Variants in MACC1 observed in about 807,000 individuals in gnomAD.
MACC1 encodes the protein metastasis-associated in colon cancer protein 1.
Under a neutral mutation model 70.7 loss-of-function variants are expected in MACC1, and 79 were observed. That is an observed-to-expected ratio of 1.12 (90% CI 0.93 to 1.35). The LOEUF is 1.35. MACC1 is among the 40% of genes most tolerant of loss of function. The pLI is 0.00. For synonymous variants in MACC1, 361 were observed against 347.2 expected, an observed-to-expected ratio of 1.04 and a Z score of -0.44; for missense variants, 1,106 against 978.1, an observed-to-expected ratio of 1.13 and a Z score of -1.74.
chr7:20,136,836 TATTA>T lies in MACC1; in HGVS notation c.*4106_*4109del, dbSNP rs946096466. On this transcript the variant is annotated 3_prime_UTR_variant, in exon 7 of 7. Coordinates refer to ENST00000400331, the MANE Select transcript of MACC1 (RefSeq NM_182762.4). ...ATTAATTCTTAAAGATTAAGATTAT[TATTA>T]ATTATTAATTGTAATTATTAATTCT... 3.1e-4 allele frequency: 47 copies of T among 149,476 alleles called. 1 individual carries two copies. The highest frequency in any genetic ancestry group is 1.0e-3 in the African/African-American group (41 of 41,118). 9.3% of individuals were successfully genotyped at this position (149,476 alleles called of 1,614,324 possible). A position where few individuals can be genotyped will look rare whatever the true frequency, so the allele number is the denominator to read the frequency against.
Position 20,135,262 on chromosome 7 carries a change from A to G in MACC1, c.*5684T>C, listed in dbSNP as rs1562575400. 6.6e-6 allele frequency: 1 copy of G among 152,240 alleles called. No individual in the cohort carries two copies. The highest frequency in any genetic ancestry group is 6.5e-5 in the Admixed American group (1 of 15,284). The allele number at this position is 152,240 out of a possible 1,614,324, so 9.4% of individuals were successfully genotyped here. A position where few individuals can be genotyped will look rare whatever the true frequency, so the allele number is the denominator to read the frequency against. ...TTATTCAAATATGTTTATGCTTTAA[A>G]TGAAACACAGAGATTTTAATTAGTT... On this transcript the variant is annotated 3_prime_UTR_variant, in exon 7 of 7. Transcript: ENST00000400331.
At position 20,136,485 on chromosome 7, in the gene MACC1, C is replaced by T. The variant is rs1299094333; in HGVS notation, c.*4461G>A. The T allele has an allele frequency of 6.6e-6, 1 of 152,140 alleles. No homozygotes were observed. The highest frequency in any genetic ancestry group is 2.4e-5 in the African/African-American group (1 of 41,420). 9.4% of individuals were successfully genotyped at this position (152,140 alleles called of 1,614,324 possible). On this transcript the variant is annotated 3_prime_UTR_variant, in exon 7 of 7. Coordinates refer to ENST00000400331, the MANE Select transcript of MACC1 (RefSeq NM_182762.4). ...ATGTAAAATATACATGCAAAAGATACACATTTCTACAATGTTCAGTGAAAT... is the reference window on the plus strand; with the variant it reads ...ATGTAAAATATACATGCAAAAGATATACATTTCTACAATGTTCAGTGAAAT...
intron 1 of MACC1, among the ~76,000 whole-genome samples, chr7:20,182,482 T>C (rs1440474961): frequency 6.6e-6 from 1 of 152,190 alleles, no homozygotes; most frequent in Admixed American, 6.5e-5. Flanking sequence ...CTGTTCTTAG[T>C]GTAAGAACAT....
At chr7:20,152,725 C>A (rs563485114) in intron 6 of MACC1, among the ~76,000 whole-genome samples, 2 of 152,218 alleles carry the variant, frequency 1.3e-5, no homozygotes, top group South Asian at 4.2e-4. Context: ...GGTTTGCTGG[C>A]CTCCATCAAG....
intron 1 of MACC1, among the ~76,000 whole-genome samples, chr7:20,212,971 TAAAG>T (rs1783020649): frequency 6.6e-6 from 1 of 152,132 alleles, no homozygotes; most frequent in African/African-American, 2.4e-5. Context: ...GGGACTGGCT[TAAAG>T]AAGCTGTATG....
rs139335801 is a variant in MACC1, at chr7:20,190,077, G to C, written c.-217-19299C>G. On this transcript the variant is annotated intron_variant, in intron 1 of 6. Coordinates refer to ENST00000400331, the MANE Select transcript of MACC1 (RefSeq NM_182762.4). Reference sequence around the variant, plus strand: ...TTCATGACCTCATCACTTCTCAAAGGCTTCACCTCCTAATTCTGTCACAAT... The same window carrying C: ...TTCATGACCTCATCACTTCTCAAAGCCTTCACCTCCTAATTCTGTCACAAT... Among the ~76,000 whole-genome samples, 993 of 152,150 alleles carry C rather than the reference G, an allele frequency of 6.5e-3. 16 individuals carry two copies. The highest frequency in any genetic ancestry group is 0.023 in the African/African-American group (935 of 41,466).
At chr7:20,180,078 G>C (rs1167025532) in intron 1 of MACC1, among the ~76,000 whole-genome samples, 1 of 152,146 alleles carries the variant, frequency 6.6e-6, no homozygotes, top group African/African-American at 2.4e-5. Flanking sequence ...TAATTAAAAA[G>C]TAAAATTCTT....
chr7:20,139,891 GA>G lies in MACC1; in HGVS notation c.*1054del, dbSNP rs1184987379. On this transcript the variant is annotated 3_prime_UTR_variant, in exon 7 of 7. Coordinates refer to ENST00000400331, the MANE Select transcript of MACC1 (RefSeq NM_182762.4). Reference sequence around the variant, plus strand: ...GTTTGCATGAGCATGCCAACATAAAGATATCAGTGTTTTCGGTGGTTAAGAC... The same window carrying G: ...GTTTGCATGAGCATGCCAACATAAAGTATCAGTGTTTTCGGTGGTTAAGAC... The G allele has an allele frequency of 2.0e-5, 3 of 151,460 alleles. No homozygotes were observed. Among genetic ancestry groups the G allele is most frequent in the Non-Finnish European group, 2.9e-5 (2 of 67,920 alleles). 9.4% of individuals were successfully genotyped at this position (151,460 alleles called of 1,614,324 possible).
At chr7:20,161,280 C>T (rs1782135189) in intron 4 of MACC1, among the ~76,000 whole-genome samples, 1 of 152,034 alleles carries the variant, frequency 6.6e-6, no homozygotes, top group South Asian at 2.1e-4. Flanking sequence ...TACATAGAAA[C>T]ATTACCTTAA....
At chr7:20,211,226 C>G (rs1782991862) in intron 1 of MACC1, among the ~76,000 whole-genome samples, 1 of 151,986 alleles carries the variant, frequency 6.6e-6, no homozygotes, top group Non-Finnish European at 1.5e-5. Flanking sequence ...TTCTTCATCT[C>G]TAAAAGAGGT....
At chr7:20,188,763 T>G (rs1246948204) in intron 1 of MACC1, among the ~76,000 whole-genome samples, 1 of 152,196 alleles carries the variant, frequency 6.6e-6, no homozygotes, top group Non-Finnish European at 1.5e-5. Context: ...AAACTCTCAT[T>G]GCTCAACATG....
chr7:20,217,059 A>T (rs1297375651), intron 1 of MACC1, among the ~76,000 whole-genome samples: 4 of 151,998 alleles, frequency 2.6e-5, no homozygotes, highest in South Asian at 2.1e-4. Context: ...CCTTTTTTTT[A>T]AAATAAACTA....
intron 1 of MACC1, among the ~76,000 whole-genome samples, chr7:20,188,791 C>T (rs1052212152): frequency 2.0e-5 from 3 of 152,164 alleles, no homozygotes; most frequent in East Asian, 3.8e-4. Context: ...TGTCATCATG[C>T]GAGGCAGCTT....
intron 2 of MACC1, among the ~76,000 whole-genome samples, chr7:20,165,635 T>A (rs1297007691): frequency 6.6e-6 from 1 of 152,118 alleles, no homozygotes. Flanking sequence ...ATTTAGCATT[T>A]CCCTATGTTT....
intron 2 of MACC1, among the ~76,000 whole-genome samples, chr7:20,168,581 T>A (rs1369039864): frequency 6.6e-6 from 1 of 152,202 alleles, no homozygotes; most frequent in Non-Finnish European, 1.5e-5. Flanking sequence ...GGTCCCACCT[T>A]TTACAGTATG....
chr7:20,201,198 A>G (rs140743203), intron 1 of MACC1, among the ~76,000 whole-genome samples: 3 of 152,264 alleles, frequency 2.0e-5, no homozygotes, highest in African/African-American at 7.2e-5. Context: ...AAGCAGCAGG[A>G]TCATGCAATA....
chr7:20,176,261 T>C (rs77815847), intron 1 of MACC1, among the ~76,000 whole-genome samples: 3,234 of 152,190 alleles, frequency 0.021, 109 homozygotes, highest in African/African-American at 0.071. Flanking sequence ...CTTAAATATA[T>C]ACAATCTTCA....
At chr7:20,155,665 A>C (rs1210291799) in intron 5 of MACC1, among the ~76,000 whole-genome samples, 2 of 152,216 alleles carry the variant, frequency 1.3e-5, no homozygotes, top group Non-Finnish European at 2.9e-5. Flanking sequence ...ATAAGCAAGT[A>C]AAGCAACTAT....
At chr7:20,160,699 G>A (rs1349491900) in intron 4 of MACC1, among the ~76,000 whole-genome samples, 1 of 151,962 alleles carries the variant, frequency 6.6e-6, no homozygotes, top group Non-Finnish European at 1.5e-5. Flanking sequence ...ATTACATTCA[G>A]AATATTAATT....
Sources: allele counts gnomAD v4.1 joint callset (sites outside exome capture counted in the v4.1 genomes callset), GRCh38; gene constraint gnomAD v4.1.1; transcripts MANE v1.5; gene names NCBI Gene and HGNC (gene_info 2026-07-23, HGNC 2026-07-21).